CHD2: variants seen among roughly 807,000 people sequenced by gnomAD.
CHD2 encodes ATP-dependent chromatin remodeler CHD2.
Under a neutral mutation model 243.9 loss-of-function variants are expected in CHD2, and 28 were observed. The ratio of observed to expected loss-of-function variants is 0.11; its 90% confidence interval spans 0.09 to 0.16. CHD2 has a LOEUF of 0.16. Among genes scored for constraint, CHD2 ranks in the 10% least tolerant of loss-of-function variants. The probability of loss-of-function intolerance (pLI) is 1.00; values close to 1 mark genes in which losing one functional copy is unlikely to be tolerated. For missense variants in CHD2, 1,386 were observed against 2,209.8 expected (o/e 0.63, Z 7.47); for synonymous variants, 775 against 779.0 (o/e 0.99, Z 0.09).
Position 92,901,933 on chromosome 15 carries a change from G to A in CHD2, c.62+634G>A, listed in dbSNP as rs1028042169. On this transcript the variant is annotated intron_variant, in intron 2 of 38. Transcript: ENST00000394196. ...TGATTTATCAAAACCTTTACTTGAT[G>A]GTTAGAGTTCCTGCATTTATGAAAT... 52 of 356,040 alleles carry A rather than the reference G, an allele frequency of 1.5e-4. No homozygotes were observed. The East Asian group carries it at 1.8e-3, about 12-fold the overall frequency. The allele number at this position is 356,040 out of a possible 1,614,324, so 22.1% of individuals were successfully genotyped here.
chr15:93,009,042 T>G (rs2141881409), intron 34 of CHD2, 103 bp from the exon 35 acceptor site: 1 of 1,262,220 alleles, frequency 7.9e-7, no homozygotes, highest in East Asian at 2.5e-5. Flanking sequence ...AGCAATTATA[T>G]GGCATAGGGG....
Position 92,924,351 on chromosome 15 carries a change from A to G in CHD2, c.93A>G (p.Ser31=). Residue 31 remains serine (S), a synonymous_variant, in exon 3 of 39, where the codon TCA becomes TCG. Transcript: ENST00000394196. ...SHSASEEASG[S]DSGSQSESEQ... is the part of the protein sequence containing the mutation. ...CAGCCTCTGAAGAAGCTTCGGGTTC[A>G]GACTCAGGCAGTCAGTCGGAAAGTG... 6.2e-7 allele frequency: 1 copy of G among 1,614,102 alleles called. No homozygotes were observed. The highest frequency in any genetic ancestry group is 8.5e-7 in the Non-Finnish European group (1 of 1,180,010).
At chr15:92,944,300 G>C in intron 9 of CHD2, 115 bp from the exon 10 acceptor site, 1 of 532,730 alleles carries the variant, frequency 1.9e-6, no homozygotes, top group Non-Finnish European at 3.5e-6. Flanking sequence ...GATTACTTAA[G>C]GGGCAGATGG....
intron 31 of CHD2, among the ~76,000 whole-genome samples, chr15:93,000,155 A>G (rs943849230): frequency 2.0e-5 from 3 of 152,028 alleles, no homozygotes; most frequent in Non-Finnish European, 4.4e-5. Flanking sequence ...CCACTTAGCT[A>G]CTCGAGAGGC....
chr15:92,997,479 A>G lies in CHD2; in HGVS notation c.3885+76A>G. 1 of 1,342,248 alleles carries G rather than the reference A, an allele frequency of 7.5e-7. No individual in the cohort carries two copies. Among genetic ancestry groups the G allele is most frequent in the African/African-American group, 1.5e-5 (1 of 66,796 alleles). The allele number at this position is 1,342,248 out of a possible 1,614,324, so 83.1% of individuals were successfully genotyped here. Reference sequence around the variant, plus strand: ...TTTTTATATCGATTACTTATTTCTAACTATTTTCGAGGGGGCATCAAATTA... The same window carrying G: ...TTTTTATATCGATTACTTATTTCTAGCTATTTTCGAGGGGGCATCAAATTA... On this transcript the variant is annotated intron_variant, in intron 30 of 38. Coordinates refer to ENST00000394196, the MANE Select transcript of CHD2 (RefSeq NM_001271.4). The surrounding 1 kb of genome is among the most constrained non-coding windows in gnomAD (Gnocchi z 4.1).
chr15:92,908,003 A>ATTTTTTTT (rs71877681), intron 2 of CHD2, among the ~76,000 whole-genome samples: 1 of 107,642 alleles, frequency 9.3e-6, no homozygotes, highest in Non-Finnish European at 1.8e-5. Flanking sequence ...CTCTCTTAGA[A>ATTTTTTTT]TTTTTTTTTT....
intron 20 of CHD2, 149 bp downstream of exon 20, chr15:92,975,099 A>T (rs962661678): frequency 1.6e-6 from 1 of 635,100 alleles, no homozygotes; most frequent in Non-Finnish European, 2.7e-6. Context: ...CATATAAAAG[A>T]TGGTGTTTTG....
At chr15:93,001,467 G>A (rs1289915838) in intron 32 of CHD2, among the ~76,000 whole-genome samples, 3 of 152,170 alleles carry the variant, frequency 2.0e-5, no homozygotes, top group East Asian at 1.9e-4. Context: ...TCAGCAGTGT[G>A]TACAGGAACT....
chr15:93,000,666 G>T (rs1343031099), intron 32 of CHD2, 26 bp downstream of exon 32: 3 of 1,595,716 alleles, frequency 1.9e-6, no homozygotes, highest in East Asian at 4.5e-5. Context: ...TCGGTTGAGG[G>T]TTATTTATTT....
chr15:92,911,943 A>G (rs2052744264), intron 2 of CHD2, among the ~76,000 whole-genome samples: 2 of 152,128 alleles, frequency 1.3e-5, no homozygotes, highest in South Asian at 2.1e-4. Context: ...AAAGGCCATG[A>G]CTCTACATCA....
chr15:92,904,406 G>T (rs1263020858), intron 2 of CHD2: 4 of 965,840 alleles, frequency 4.1e-6, no homozygotes, highest in Admixed American at 6.2e-5. Flanking sequence ...TCCCCTGGGG[G>T]GCGGGGAGAG....
rs2054200162 is a variant in CHD2, at chr15:92,997,234, G to A, written c.3735-19G>A. 6.2e-7 allele frequency: 1 copy of A among 1,613,772 alleles called. No homozygotes were observed. The highest frequency in any genetic ancestry group is 8.5e-7 in the Non-Finnish European group (1 of 1,179,910). On this transcript the variant is annotated intron_variant, in intron 29 of 38. Coordinates refer to ENST00000394196, the MANE Select transcript of CHD2 (RefSeq NM_001271.4). This position sits in a 1 kb window ranked among gnomAD's most constrained non-coding sequence, Gnocchi z 4.1. ...AAGGCCCCTCTTCTAATGTCTTCCTGTTTTTAAACTTTCTTTAGATACTGC... is the reference window on the plus strand; with the variant it reads ...AAGGCCCCTCTTCTAATGTCTTCCTATTTTTAAACTTTCTTTAGATACTGC...
intron 2 of CHD2, among the ~76,000 whole-genome samples, chr15:92,917,741 T>C (rs1033846118): frequency 1.3e-5 from 2 of 152,198 alleles, no homozygotes; most frequent in Non-Finnish European, 2.9e-5. Context: ...TGATAGTTGA[T>C]AGTGTGGATT....
chr15:92,992,392 G>A (rs2054131398), intron 27 of CHD2, among the ~76,000 whole-genome samples: 1 of 152,196 alleles, frequency 6.6e-6, no homozygotes, highest in Non-Finnish European at 1.5e-5. Context: ...AGCTGTTAAT[G>A]TAGTTGTGTG....
chr15:93,027,707 G>T lies in CHD2; in HGVS notation c.*3002G>T, dbSNP rs1439422394. On this transcript the variant is annotated 3_prime_UTR_variant, in exon 39 of 39. Transcript: ENST00000394196. ...ACCAGCGGTCTTCCGGCTCCTCTGA[G>T]GGCTGCCACGTTGGGCGAGGGGAGC... The T allele has an allele frequency of 6.5e-6, 1 of 152,702 alleles. No individual in the cohort carries two copies. The highest frequency in any genetic ancestry group is 2.4e-5 in the African/African-American group (1 of 41,464). 9.5% of individuals were successfully genotyped at this position (152,702 alleles called of 1,614,324 possible). A position where few individuals can be genotyped will look rare whatever the true frequency, so the allele number is the denominator to read the frequency against.
intron 2 of CHD2, chr15:92,904,351 A>C (rs1043280135): frequency 2.7e-6 from 2 of 727,616 alleles, no homozygotes; most frequent in Non-Finnish European, 3.4e-6. Context: ...CAGCAGGGTC[A>C]ACGGCGGCGC....
intron 16 of CHD2, among the ~76,000 whole-genome samples, chr15:92,966,509 C>G (rs752007437): frequency 6.6e-6 from 1 of 152,096 alleles, no homozygotes; most frequent in South Asian, 2.1e-4. Context: ...GCTTTAATGA[C>G]GACTTTAGAT....
chr15:92,995,421 T>C (rs10520719), intron 28 of CHD2, among the ~76,000 whole-genome samples: 34,035 of 152,180 alleles, frequency 0.22, 4,238 homozygotes, highest in Middle Eastern at 0.32. Context: ...TCTTCCTCCT[T>C]AATAGGTCAC....
intron 2 of CHD2, among the ~76,000 whole-genome samples, chr15:92,909,043 T>A (rs1025492502): frequency 6.7e-6 from 1 of 149,306 alleles, no homozygotes. Context: ...CTCCTGAAGC[T>A]GGGAGGCGGA....
Sources: gnomAD v4.1 joint callset for allele counts (sites outside exome capture counted in the v4.1 genomes callset) on GRCh38, gnomAD v4.1.1 for gene constraint, Gnocchi (gnomAD v3.1) non-coding constraint, MANE v1.5 for transcripts, NCBI Gene and HGNC (gene_info 2026-07-23, HGNC 2026-07-21) for gene names.